The following RPA1 variants were observed in gnomAD, a reference collection of about 807,000 sequenced individuals.
RPA1 encodes the protein replication protein A1, also known as replication protein A 70 kDa DNA-binding subunit.
RPA1 carries 49 observed loss-of-function variants against 83.0 expected under a neutral mutation model. The observed-to-expected ratio is 0.59, with a 90% CI of 0.47 to 0.75. The LOEUF (loss-of-function observed/expected upper bound fraction) is 0.75, where lower values mean the gene tolerates loss of function less well. Among genes scored for constraint, RPA1 ranks in the 30% least tolerant of loss-of-function variants. The pLI is 0.00. For missense variants in RPA1, 693 were observed against 776.1 expected (o/e 0.89, Z 1.27); for synonymous variants, 279 against 281.8 (o/e 0.99, Z 0.10).
At chr17:1,877,497 C>A (rs1055588954) in intron 8 of RPA1, among the ~76,000 whole-genome samples, 183 bp downstream of exon 8, 5 of 151,902 alleles carry the variant, frequency 3.3e-5, no homozygotes, top group Admixed American at 3.3e-4. Flanking sequence ...TAATAGTAGG[C>A]CAGAGAGAAG....
chr17:1,867,060 T>TA (rs1820338923), intron 5 of RPA1, among the ~76,000 whole-genome samples: 2 of 152,350 alleles, frequency 1.3e-5, no homozygotes, highest in African/African-American at 4.8e-5. Context: ...ACCTACTAGA[T>TA]ATTAATTTTT....
chr17:1,867,667 C>T (rs1413568458), intron 5 of RPA1, among the ~76,000 whole-genome samples: 4 of 151,148 alleles, frequency 2.6e-5, no homozygotes, highest in African/African-American at 7.3e-5. Context: ...TCTGTAATCA[C>T]ACCAGTGCAC....
intron 15 of RPA1, among the ~76,000 whole-genome samples, chr17:1,892,252 G>A (rs1319983986): frequency 2.6e-5 from 4 of 152,048 alleles, no homozygotes; most frequent in South Asian, 2.1e-4. Flanking sequence ...TGATCTGCCC[G>A]CTTCAGCCAC....
At chr17:1,885,495 AGGGTCTCATT>A (rs1913956600) in intron 13 of RPA1, among the ~76,000 whole-genome samples, 1 of 152,004 alleles carries the variant, frequency 6.6e-6, no homozygotes, top group African/African-American at 2.4e-5. Flanking sequence ...AACTTGAGAC[AGGGTCTCATT>A]CTGTCACTCA....
rs769039530 is a variant in RPA1, at chr17:1,842,848, G to A, written c.79G>A (p.Val27Ile). ...TACAAACATAAAGCCCATCCTCCAA[G>A]TCATCGTAAGTACCTGCGTATGTTA... Reference protein sequence around the residue: ...GDTNIKPILQVINIRPITTGN... With the variant: ...GDTNIKPILQIINIRPITTGN... Residue 27 changes from valine to isoleucine, a missense_variant, in exon 2 of 17, where the codon GTC becomes ATC. Coordinates refer to ENST00000254719, the MANE Select transcript of RPA1 (RefSeq NM_002945.5). The A allele has an allele frequency of 9.3e-6, 15 of 1,613,988 alleles. No individual in the cohort carries two copies. The highest frequency in any genetic ancestry group is 1.1e-5 in the Non-Finnish European group (13 of 1,179,930).
intron 5 of RPA1, among the ~76,000 whole-genome samples, chr17:1,865,577 G>A (rs929292146): frequency 9.9e-5 from 15 of 152,088 alleles, no homozygotes; most frequent in African/African-American, 7.2e-5. Context: ...TATAGCTACC[G>A]AATTGTGTGT....
intron 15 of RPA1, 54 bp downstream of exon 15, chr17:1,891,994 T>C (rs1914220561): frequency 1.6e-6 from 2 of 1,264,022 alleles, no homozygotes; most frequent in Non-Finnish European, 2.2e-6. Flanking sequence ...TCTCATTCTA[T>C]AACACTGACC....
Position 1,836,512 on chromosome 17 carries a change from G to T in RPA1, c.34-6291G>T, listed in dbSNP as rs1444561328. 2.6e-5 allele frequency among the ~76,000 whole-genome samples: 4 copies of T among 152,068 alleles called. No individual in the cohort carries two copies. The East Asian group carries it at 7.7e-4, about 29-fold the overall frequency. On this transcript the variant is annotated intron_variant, in intron 1 of 16. Coordinates refer to ENST00000254719, the MANE Select transcript of RPA1 (RefSeq NM_002945.5). ...GGAGATATAGAATACTTCCATCAAC[G>T]CACAACTCCTCTTGCTCCTTCCCCA...
At chr17:1,882,834 C>T (rs1014376483) in intron 12 of RPA1, among the ~76,000 whole-genome samples, 3 of 152,150 alleles carry the variant, frequency 2.0e-5, no homozygotes, top group Non-Finnish European at 4.4e-5. Context: ...AAGGACTACC[C>T]CAGACGGCCA....
At chr17:1,869,977 G>A (rs529846435) in intron 5 of RPA1, among the ~76,000 whole-genome samples, 4 of 152,100 alleles carry the variant, frequency 2.6e-5, no homozygotes, top group Admixed American at 6.6e-5. Context: ...AACTAGAGTT[G>A]CGGCTGCCAG....
chr17:1,874,028 T>TACACACAC lies in RPA1; in HGVS notation c.454+1503_454+1504insCACACACA, dbSNP rs1270241119. Among the ~76,000 whole-genome samples, 567 of 102,562 alleles carry TACACACAC rather than the reference T, an allele frequency of 5.5e-3. 3 individuals are homozygous for TACACACAC. Among genetic ancestry groups the TACACACAC allele is most frequent in the Non-Finnish European group, 7.5e-3 (426 of 56,732 alleles). The allele number at this position is 102,562 out of a possible 152,430, so 67.3% of individuals were successfully genotyped here. On this transcript the variant is annotated intron_variant, in intron 6 of 16. Transcript: ENST00000254719. ...AAAAAAAAAAATATATATATATATATATATACACACACACACACACACACA... is the reference window on the plus strand; with the variant it reads ...AAAAAAAAAAATATATATATATATATACACACACATATACACACACACACACACACACA...
rs531596750 is a variant in RPA1, at chr17:1,875,808, A to G, written c.587+15A>G. On this transcript the variant is annotated intron_variant, in intron 7 of 16. Transcript: ENST00000254719. ...TACCAGTCCAAGTGAGTTGTTGCAT[A>G]GAGTAAGTTCAGAGTGTACTTATGA... 1 of 1,611,102 alleles carries G rather than the reference A, an allele frequency of 6.2e-7. No individual in the cohort carries two copies. Among genetic ancestry groups the G allele is most frequent in the East Asian group, 2.2e-5 (1 of 44,816 alleles).
intron 16 of RPA1, among the ~76,000 whole-genome samples, chr17:1,895,563 C>T (rs965149976): frequency 6.6e-6 from 1 of 151,750 alleles, no homozygotes; most frequent in African/African-American, 2.4e-5. Context: ...CATAGTGAAA[C>T]CCCGTTTCTA....
chr17:1,884,001 A>C lies in RPA1; in HGVS notation c.1374+57A>C. On this transcript the variant is annotated intron_variant, in intron 13 of 16. Transcript: ENST00000254719. This position sits in a 1 kb window ranked among gnomAD's most constrained non-coding sequence, Gnocchi z 4.1. ...GGCTGTAAAGTGTGCAGAAGGATGG[A>C]TTTAGAAACTTGGTTTCCAGCACCA... 1.9e-6 allele frequency: 3 copies of C among 1,597,808 alleles called. No individual in the cohort carries two copies. The highest frequency in any genetic ancestry group is 2.6e-6 in the Non-Finnish European group (3 of 1,169,804).
intron 5 of RPA1, among the ~76,000 whole-genome samples, chr17:1,867,249 A>C (rs1913210149): frequency 6.6e-6 from 1 of 152,194 alleles, no homozygotes. Context: ...AGCAATGCTT[A>C]GCATTTTTCT....
At position 1,898,559 on chromosome 17, in the gene RPA1, C is replaced by G. The variant is rs1914535833; in HGVS notation, c.*1384C>G. The G allele has an allele frequency of 6.6e-6, 1 of 152,248 alleles. No homozygotes were observed. Among genetic ancestry groups the G allele is most frequent in the African/African-American group, 2.4e-5 (1 of 41,468 alleles). The allele number at this position is 152,248 out of a possible 1,614,324, so 9.4% of individuals were successfully genotyped here. Reference sequence around the variant, plus strand: ...TGCAGCCAGAGGACCTGCTGTTCATCACTGCACATGCCGCCTGCGGAGGCT... The same window carrying G: ...TGCAGCCAGAGGACCTGCTGTTCATGACTGCACATGCCGCCTGCGGAGGCT... On this transcript the variant is annotated 3_prime_UTR_variant, in exon 17 of 17. Coordinates refer to ENST00000254719, the MANE Select transcript of RPA1 (RefSeq NM_002945.5).
In RPA1 at chr17:1,883,301, T is replaced by C. The variant is rs144869548; in HGVS notation, c.1242-511T>C. ...GCCTCAGCCTCCCGAGTAGCTGGGATTACAGGCACCCACCACCACGCCCGG... is the reference window on the plus strand; with the variant it reads ...GCCTCAGCCTCCCGAGTAGCTGGGACTACAGGCACCCACCACCACGCCCGG... On this transcript the variant is annotated intron_variant, in intron 12 of 16. Transcript: ENST00000254719. Among the ~76,000 whole-genome samples the C allele has an allele frequency of 7.3e-3, 1,110 of 152,164 alleles. 15 individuals carry two copies. The highest frequency in any genetic ancestry group is 0.025 in the African/African-American group (1,042 of 41,514).
chr17:1,867,805 G>A (rs1156409993), intron 5 of RPA1, among the ~76,000 whole-genome samples: 2 of 151,972 alleles, frequency 1.3e-5, no homozygotes, highest in South Asian at 2.1e-4. Context: ...TGGGCCGGGT[G>A]CCATGGCTGA....
chr17:1,876,760 T>G (rs1468492793), intron 7 of RPA1, among the ~76,000 whole-genome samples: 3 of 152,204 alleles, frequency 2.0e-5, no homozygotes, highest in Non-Finnish European at 4.4e-5. Context: ...GCTGCTTCAG[T>G]GTGTTCTTCC....
Sources: gnomAD v4.1 joint callset for allele counts (sites outside exome capture counted in the v4.1 genomes callset) on GRCh38, gnomAD v4.1.1 for gene constraint, Gnocchi (gnomAD v3.1) non-coding constraint, MANE v1.5 for transcripts, NCBI Gene and HGNC (gene_info 2026-07-23, HGNC 2026-07-21) for gene names.